FHOD3: variants seen among roughly 807,000 people sequenced by gnomAD.
FHOD3 encodes formin homology 2 domain containing 3.
A neutral mutation model predicts 173.0 loss-of-function variants in FHOD3; 90 were observed. The ratio of observed to expected loss-of-function variants is 0.52; its 90% CI spans 0.44 to 0.62. The LOEUF is 0.62. FHOD3 is among the 20% of genes least tolerant of loss of function. FHOD3 has a pLI of 0.00. For missense variants in FHOD3, 1,945 were observed against 2,034.7 expected, an observed-to-expected ratio of 0.96 and a Z score of 0.85; for synonymous variants, 828 against 823.0, an observed-to-expected ratio of 1.01 and a Z score of -0.10.
chr18:36,401,981 G>C (rs1001495140), intron 3 of FHOD3, among the ~76,000 whole-genome samples: 1 of 152,192 alleles, frequency 6.6e-6, no homozygotes. Flanking sequence ...CATTTATGTG[G>C]ACGTATGTCT....
intron 3 of FHOD3, among the ~76,000 whole-genome samples, chr18:36,494,228 G>A (rs1182183158): frequency 6.6e-6 from 1 of 152,168 alleles, no homozygotes; most frequent in Admixed American, 6.5e-5. Context: ...GGGCCACAAA[G>A]GGGTTTTGAG....
chr18:36,624,417 T>C (rs1218247029), intron 9 of FHOD3, among the ~76,000 whole-genome samples: 2 of 152,216 alleles, frequency 1.3e-5, no homozygotes, highest in Non-Finnish European at 2.9e-5. Context: ...TTGTATTCTT[T>C]CTGCTGTCCA....
chr18:36,651,465 A>G (rs999626240), intron 11 of FHOD3, among the ~76,000 whole-genome samples: 2 of 152,070 alleles, frequency 1.3e-5, no homozygotes, highest in African/African-American at 4.8e-5. Flanking sequence ...TAAAAATTAT[A>G]TATAATGCCA....
In FHOD3 at chr18:36,599,946, T is replaced by C. The variant is rs1291434192; in HGVS notation, c.719-2728T>C. Among the ~76,000 whole-genome samples, 3 of 148,374 alleles carry C rather than the reference T, an allele frequency of 2.0e-5. No homozygotes were observed. The East Asian group carries it at 5.9e-4, about 29-fold the overall frequency. ...CAGGAAAAAAGGCTCTCACAGAACC[T>C]GTACTCCAGTGTTTGGGGTGGGGGT... On this transcript the variant is annotated intron_variant, in intron 7 of 28. Coordinates refer to ENST00000590592, the MANE Select transcript of FHOD3 (RefSeq NM_001281740.3).
chr18:36,608,481 T>C (rs1416821231), intron 8 of FHOD3, among the ~76,000 whole-genome samples: 1 of 152,250 alleles, frequency 6.6e-6, no homozygotes, highest in Non-Finnish European at 1.5e-5. Flanking sequence ...CATTGGGGTT[T>C]AAGTTTCCAA....
intron 11 of FHOD3, among the ~76,000 whole-genome samples, 199 bp downstream of exon 11, chr18:36,649,604 T>G (rs1046496957): frequency 6.6e-5 from 10 of 152,188 alleles, no homozygotes; most frequent in African/African-American, 2.4e-4. Flanking sequence ...AACTGCACTT[T>G]TTATTGAAAT....
chr18:36,375,817 A>G (rs898174235), intron 3 of FHOD3, among the ~76,000 whole-genome samples: 1 of 152,234 alleles, frequency 6.6e-6, no homozygotes, highest in East Asian at 1.9e-4. Context: ...AGATTTTGGT[A>G]TAGAGAGAGG....
intron 3 of FHOD3, among the ~76,000 whole-genome samples, chr18:36,391,699 T>A (rs141295117): frequency 6.6e-6 from 1 of 152,262 alleles, no homozygotes; most frequent in Non-Finnish European, 1.5e-5. Flanking sequence ...CAGGTGACTC[T>A]TGTAAAGGGC....
At chr18:36,659,209 G>T (rs1020115376) in intron 14 of FHOD3, among the ~76,000 whole-genome samples, 2 of 152,180 alleles carry the variant, frequency 1.3e-5, no homozygotes, top group African/African-American at 4.8e-5. Flanking sequence ...AGGAAGGGAG[G>T]TCCAGTGGGG....
chr18:36,562,808 C>A (rs910544929), intron 5 of FHOD3, among the ~76,000 whole-genome samples: 3 of 152,220 alleles, frequency 2.0e-5, no homozygotes, highest in Non-Finnish European at 4.4e-5. Flanking sequence ...GGAGACTCAC[C>A]TGTGGAGCCC....
At chr18:36,298,827 A>T (rs1331472752) in intron 1 of FHOD3, among the ~76,000 whole-genome samples, 1 of 151,898 alleles carries the variant, frequency 6.6e-6, no homozygotes, top group Non-Finnish European at 1.5e-5. Flanking sequence ...CCTCTTGCAA[A>T]GCATTTGTTG....
chr18:36,310,495 G>C (rs1465330441), intron 1 of FHOD3, among the ~76,000 whole-genome samples: 1 of 151,994 alleles, frequency 6.6e-6, no homozygotes, highest in Non-Finnish European at 1.5e-5. Context: ...GGACCAGCCT[G>C]GCCAACATGG....
chr18:36,739,639 C>T (rs759656862), intron 20 of FHOD3, among the ~76,000 whole-genome samples: 1 of 152,160 alleles, frequency 6.6e-6, no homozygotes, highest in East Asian at 1.9e-4. Flanking sequence ...TTTCTATCTT[C>T]GATTGCTTTC....
chr18:36,617,612 T>TGTGTGTGTGCGA (rs1331090252), intron 9 of FHOD3, among the ~76,000 whole-genome samples: 4 of 151,588 alleles, frequency 2.6e-5, no homozygotes, highest in Non-Finnish European at 4.4e-5. Flanking sequence ...TGTGTGTGTG[T>TGTGTGTGTGCGA]GTGTGTGCAA....
chr18:36,619,293 A>G (rs866100602), intron 9 of FHOD3, among the ~76,000 whole-genome samples: 2 of 152,156 alleles, frequency 1.3e-5, no homozygotes, highest in African/African-American at 4.8e-5. Flanking sequence ...GGAAGCTCTG[A>G]CTGTATCTGA....
At chr18:36,522,944 T>C (rs150043958) in intron 5 of FHOD3, among the ~76,000 whole-genome samples, 2 of 152,350 alleles carry the variant, frequency 1.3e-5, no homozygotes, top group East Asian at 3.9e-4. Context: ...CATTATCTTG[T>C]CGTCTTTGCT....
chr18:36,666,017 A>G (rs2037156853), intron 14 of FHOD3, among the ~76,000 whole-genome samples: 1 of 152,262 alleles, frequency 6.6e-6, no homozygotes, highest in Non-Finnish European at 1.5e-5. Flanking sequence ...TGCCAAAGTC[A>G]GGGCCTACAA....
chr18:36,723,197 G>A (rs1024831633), intron 19 of FHOD3, among the ~76,000 whole-genome samples: 4 of 152,206 alleles, frequency 2.6e-5, no homozygotes, highest in African/African-American at 9.6e-5. Context: ...CAGGAAGTCT[G>A]TTTAACAGTT....
At chr18:36,726,658 G>A (rs541880807) in intron 19 of FHOD3, among the ~76,000 whole-genome samples, 1 of 152,122 alleles carries the variant, frequency 6.6e-6, no homozygotes, top group African/African-American at 2.4e-5. Flanking sequence ...ATGCACTAAG[G>A]AAAAGTGCCT....
Sources: gnomAD v4.1 joint callset for allele counts (sites outside exome capture counted in the v4.1 genomes callset) on GRCh38, gnomAD v4.1.1 for gene constraint, MANE v1.5 for transcripts, NCBI Gene and HGNC (gene_info 2026-07-23, HGNC 2026-07-21) for gene names.